The following ZNF618 variants were observed in gnomAD, a reference collection of about 807,000 sequenced individuals.
ZNF618 encodes zinc finger protein 618.
Under a neutral mutation model 103.0 loss-of-function variants are expected in ZNF618, and 34 were observed. That is an observed-to-expected ratio of 0.33 (90% confidence interval 0.25 to 0.44). ZNF618 has a LOEUF of 0.44. Ranked by LOEUF, ZNF618 falls within the 20% of genes least tolerant of loss-of-function variation. The pLI is 1.00. For missense variants in ZNF618, 1,059 were observed against 1,295.4 expected, an observed-to-expected ratio of 0.82 and a Z score of 2.80; for synonymous variants, 551 against 542.2, an observed-to-expected ratio of 1.02 and a Z score of -0.23.
At chr9:113,947,816 G>T (rs886204706) in intron 1 of ZNF618, among the ~76,000 whole-genome samples, 1 of 152,166 alleles carries the variant, frequency 6.6e-6, no homozygotes, top group African/African-American at 2.4e-5. Flanking sequence ...CTATTGTTGT[G>T]TTTTATTGGA....
At chr9:113,949,045 C>G (rs936217273) in intron 1 of ZNF618, among the ~76,000 whole-genome samples, 1 of 152,178 alleles carries the variant, frequency 6.6e-6, no homozygotes, top group African/African-American at 2.4e-5. Context: ...AGAGATGAAG[C>G]TTGAATGCAT....
intron 1 of ZNF618, among the ~76,000 whole-genome samples, chr9:113,926,099 CTCCT>C (rs1487289362): frequency 4.0e-5 from 6 of 150,648 alleles, no homozygotes; most frequent in African/African-American, 1.5e-4. Context: ...TTTGTTATTT[CTCCT>C]TCATGTTGGT....
At chr9:113,906,394 G>A (rs1486016583) in intron 1 of ZNF618, among the ~76,000 whole-genome samples, 3 of 152,138 alleles carry the variant, frequency 2.0e-5, no homozygotes, top group Non-Finnish European at 4.4e-5. Flanking sequence ...TTTCTGATGG[G>A]CATTTCGCTC....
chr9:113,999,221 CT>C (rs1013087877), intron 4 of ZNF618, among the ~76,000 whole-genome samples: 29 of 151,716 alleles, frequency 1.9e-4, no homozygotes, highest in South Asian at 4.2e-4. Flanking sequence ...GGGCTTTAGG[CT>C]GTGCGAGGGG....
At chr9:113,978,656 A>AT (rs1300143682) in intron 2 of ZNF618, among the ~76,000 whole-genome samples, 2 of 152,044 alleles carry the variant, frequency 1.3e-5, no homozygotes, top group Non-Finnish European at 1.5e-5. Flanking sequence ...TGTTTTTATT[A>AT]TTTTCTCTTG....
At chr9:113,944,678 G>A (rs894848183) in intron 1 of ZNF618, among the ~76,000 whole-genome samples, 1 of 152,014 alleles carries the variant, frequency 6.6e-6, no homozygotes, top group Non-Finnish European at 1.5e-5. Context: ...TGTTAAAAAA[G>A]GAAAAAGACA....
At chr9:113,878,185 C>CAAAA (rs11459008) in intron 1 of ZNF618, among the ~76,000 whole-genome samples, 1 of 145,500 alleles carries the variant, frequency 6.9e-6, no homozygotes, top group Non-Finnish European at 1.5e-5. Context: ...GGTTTGTGAC[C>CAAAA]AAAAAAAAAA....
At position 114,050,316 on chromosome 9, in the gene ZNF618, A is replaced by ATGTG. The variant is rs369672597; in HGVS notation, c.*158_*161dup. 1.1e-6 allele frequency: 1 copy of ATGTG among 919,934 alleles called. No homozygotes were observed. The highest frequency in any genetic ancestry group is 1.6e-6 in the Non-Finnish European group (1 of 629,548). 57.0% of individuals were successfully genotyped at this position (919,934 alleles called of 1,614,324 possible). A position where few individuals can be genotyped will look rare whatever the true frequency, so the allele number is the denominator to read the frequency against. On this transcript the variant is annotated 3_prime_UTR_variant, in exon 15 of 15. Coordinates refer to ENST00000374126, the MANE Select transcript of ZNF618 (RefSeq NM_001318042.2). ...CTGGAAACTTAAGTGCTTTTTTTAT[A>ATGTG]TGTGTGTGTGTGCGTGTATGTACAC... is the stretch of plus-strand genomic sequence containing the variant.
intron 1 of ZNF618, among the ~76,000 whole-genome samples, chr9:113,929,645 T>C (rs1348339735): frequency 1.3e-5 from 2 of 152,204 alleles, no homozygotes; most frequent in African/African-American, 2.4e-5. Context: ...TGGACCAAGC[T>C]GGGCTGGGAA....
intron 3 of ZNF618, among the ~76,000 whole-genome samples, chr9:113,997,060 CT>C (rs756563358): frequency 1.5e-5 from 2 of 132,648 alleles, no homozygotes; most frequent in African/African-American, 2.6e-5. Context: ...CTCTCTCTTT[CT>C]TTTTTTTTTC....
intron 1 of ZNF618, among the ~76,000 whole-genome samples, chr9:113,922,267 T>C (rs1313876719): frequency 6.6e-6 from 1 of 152,174 alleles, no homozygotes; most frequent in Non-Finnish European, 1.5e-5. Flanking sequence ...CTGAAACTGA[T>C]AGTGAAAGTC....
intron 1 of ZNF618, among the ~76,000 whole-genome samples, chr9:113,922,696 T>G (rs1832753530): frequency 6.6e-6 from 1 of 152,228 alleles, no homozygotes; most frequent in South Asian, 2.1e-4. Flanking sequence ...CTGTCTTGTT[T>G]ACTGTACCTT....
At chr9:113,883,633 T>G (rs1237790912) in intron 1 of ZNF618, among the ~76,000 whole-genome samples, 2 of 152,210 alleles carry the variant, frequency 1.3e-5, no homozygotes, top group African/African-American at 2.4e-5. Context: ...ACCTTCTGTT[T>G]CTTGGCTTAG....
At chr9:113,991,661 G>A (rs930157835) in intron 3 of ZNF618, among the ~76,000 whole-genome samples, 1 of 152,208 alleles carries the variant, frequency 6.6e-6, no homozygotes, top group Non-Finnish European at 1.5e-5. Flanking sequence ...ATGGGATGGG[G>A]AATAAAGTCG....
chr9:114,007,991 C>T (rs1841903521), intron 7 of ZNF618, among the ~76,000 whole-genome samples: 2 of 152,156 alleles, frequency 1.3e-5, no homozygotes, highest in South Asian at 2.1e-4. Flanking sequence ...TTTCTCACCT[C>T]GTCTTTCTCT....
At chr9:113,983,073 G>A (rs368802669) in intron 2 of ZNF618, among the ~76,000 whole-genome samples, 7 of 152,106 alleles carry the variant, frequency 4.6e-5, no homozygotes, top group African/African-American at 9.7e-5. Context: ...ATTTTACAGC[G>A]ACACAAATAG....
intron 13 of ZNF618, among the ~76,000 whole-genome samples, chr9:114,047,685 G>A (rs1404597265): frequency 1.3e-5 from 2 of 152,190 alleles, no homozygotes; most frequent in Admixed American, 6.5e-5. Flanking sequence ...ATAGTGTAAT[G>A]TCCATATGAT....
At chr9:114,046,084 G>A (rs1483133603) in intron 13 of ZNF618, among the ~76,000 whole-genome samples, 3 of 151,856 alleles carry the variant, frequency 2.0e-5, no homozygotes, top group Non-Finnish European at 2.9e-5. Context: ...CTGCACCCTC[G>A]CTGAATTTAT....
At chr9:113,899,275 A>G (rs1343286348) in intron 1 of ZNF618, among the ~76,000 whole-genome samples, 3 of 152,046 alleles carry the variant, frequency 2.0e-5, no homozygotes, top group Non-Finnish European at 4.4e-5. Flanking sequence ...CTGAAACTCT[A>G]TGCCCATTAA....
Sources: allele counts gnomAD v4.1 joint callset (sites outside exome capture counted in the v4.1 genomes callset), GRCh38; gene constraint gnomAD v4.1.1; transcripts MANE v1.5; gene names NCBI Gene and HGNC (gene_info 2026-07-23, HGNC 2026-07-21).